Variants in SPTAN1 observed in about 807,000 individuals in gnomAD.
The protein encoded by SPTAN1 is spectrin alpha, non-erythrocytic 1.
In SPTAN1, 61 loss-of-function variants were observed where a neutral mutation model predicts 331.3. The ratio of observed to expected loss-of-function variants is 0.18; its 90% CI spans 0.15 to 0.23. The LOEUF is 0.23. Among genes scored for constraint, SPTAN1 ranks in the 10% least tolerant of loss-of-function variants. The pLI, the probability that SPTAN1 is intolerant of heterozygous loss-of-function variation, is 1.00. For missense variants in SPTAN1, 2,043 were observed against 3,147.9 expected (o/e 0.65, Z 8.40); for synonymous variants, 1,153 against 1,173.9 (o/e 0.98, Z 0.36).
chr9:128,561,789 A>C lies in SPTAN1; in HGVS notation c.-3-4949A>C, dbSNP rs142702835. 2.6e-4 allele frequency among the ~76,000 whole-genome samples: 40 copies of C among 151,884 alleles called. 1 individual carries two copies. In the South Asian group the frequency reaches 5.8e-3, roughly 22 times the overall value. ...ATCCCAGGTCATCCTGGCCTTTGCA[A>C]CTTGCTTACTAAATTACCTGTCTCC... is the stretch of plus-strand genomic sequence containing the variant. On this transcript the variant is annotated intron_variant, in intron 1 of 56. Transcript: ENST00000372739.
intron 51 of SPTAN1, chr9:128,628,497 C>T (rs913553189): frequency 1.3e-5 from 4 of 309,696 alleles, no homozygotes; most frequent in Non-Finnish European, 1.9e-5. Context: ...GGCAAAAATG[C>T]ACCCGTTATG....
intron 1 of SPTAN1, among the ~76,000 whole-genome samples, chr9:128,558,935 G>T (rs1288451296): frequency 6.6e-6 from 1 of 152,196 alleles, no homozygotes; most frequent in Non-Finnish European, 1.5e-5. Flanking sequence ...GGAGCAAAAA[G>T]AAACTGGAAC....
Position 128,605,300 on chromosome 9 carries a change from A to G in SPTAN1, c.3869A>G (p.Asn1290Ser). ...RDLAALGDKV[N>S]SLGETAERLI... ...TTCACCACTTTCTTCCCATAGGTAA[A>G]CTCCCTTGGTGAAACAGCAGAGCGC... Residue 1290 changes from asparagine (N) to serine (S), a missense_variant, in exon 31 of 57, where the codon AAC (asparagine) becomes AGC (serine). Asn to Ser is a conservative substitution (Grantham distance 46). Transcript: ENST00000372739. 1 of 1,613,968 alleles carries G rather than the reference A, an allele frequency of 6.2e-7. No homozygotes were observed. Among genetic ancestry groups the G allele is most frequent in the Non-Finnish European group, 8.5e-7 (1 of 1,179,986 alleles).
intron 27 of SPTAN1, among the ~76,000 whole-genome samples, chr9:128,602,719 T>G (rs1033169519): frequency 3.9e-5 from 6 of 152,108 alleles, no homozygotes; most frequent in African/African-American, 1.4e-4. Flanking sequence ...CACTGCAACC[T>G]CTGCCTCCCA....
At chr9:128,630,491 T>C (rs151191878) in intron 52 of SPTAN1, 116 bp downstream of exon 52, 1 of 1,030,844 alleles carries the variant, frequency 9.7e-7, no homozygotes, top group East Asian at 2.4e-5. Flanking sequence ...TTGTACCCTT[T>C]TCCCTTGGCC....
At position 128,583,136 on chromosome 9, in the gene SPTAN1, A is replaced by G; in HGVS notation, c.1866A>G (p.Ser622=). 3.1e-6 allele frequency: 5 copies of G among 1,614,228 alleles called. No individual in the cohort carries two copies. The highest frequency in any genetic ancestry group is 1.3e-5 in the African/African-American group (1 of 75,064). The change falls in exon 15 of 57, where the codon TCA becomes TCG. Residue 622 remains serine (S), a synonymous_variant. Transcript: ENST00000372739. The stretch of plus-strand genomic sequence containing the variant: ...ATCAGGCTTTTGAGGCTGAGCTCTC[A>G]GCAAACCAGAGCCGAATTGATGCCT... ...QKHQAFEAEL[S]ANQSRIDALE...
At position 128,584,356 on chromosome 9, in the gene SPTAN1, G is replaced by A. The variant is rs1487586139; in HGVS notation, c.2268G>A (p.Lys756=). The A allele has an allele frequency of 1.2e-6, 2 of 1,614,082 alleles. No individual in the cohort carries two copies. The highest frequency in any genetic ancestry group is 2.7e-5 in the African/African-American group (2 of 74,944). Residue 756 remains lysine (K), a synonymous_variant, in exon 17 of 57, where the codon AAG becomes AAA. Coordinates refer to ENST00000372739, the MANE Select transcript of SPTAN1 (RefSeq NM_001130438.3). ...GCCATTTTGATGCAGAAAACATCAA[G>A]AAGAAACAGGAAGCCCTCGTGGCTC... ...DAGHFDAENI[K]KKQEALVARY...
Position 128,630,325 on chromosome 9 carries a change from T to TACA in SPTAN1, c.6712_6713insACA (p.Cys2238delinsTyrSer). On this transcript the variant is annotated protein_altering_variant, in exon 52 of 57. Transcript: ENST00000372739. The stretch of plus-strand genomic sequence containing the variant: ...TCACTGTCCTTCCACGTTTAGGTCC[T>TACA]GTATGGTGGAAGAGTCGGGGACCCT... The TACA allele has an allele frequency of 6.2e-7, 1 of 1,613,558 alleles. No homozygotes were observed. Among genetic ancestry groups the TACA allele is most frequent in the Non-Finnish European group, 8.5e-7 (1 of 1,179,988 alleles).
intron 2 of SPTAN1, among the ~76,000 whole-genome samples, chr9:128,567,337 G>T (rs1450318504): frequency 1.3e-5 from 2 of 152,132 alleles, no homozygotes; most frequent in Admixed American, 6.6e-5. Flanking sequence ...TGTCGCCCAG[G>T]CTGGAGTGCA....
chr9:128,555,427 T>C lies in SPTAN1; in HGVS notation c.-4+2731T>C, dbSNP rs1279467242. 6.2e-6 allele frequency: 8 copies of C among 1,289,030 alleles called. No homozygotes were observed. In the African/African-American group the frequency reaches 1.2e-4, roughly 20 times the overall value. 79.8% of individuals were successfully genotyped at this position (1,289,030 alleles called of 1,614,324 possible). A position where few individuals can be genotyped will look rare whatever the true frequency, so the allele number is the denominator to read the frequency against. On this transcript the variant is annotated intron_variant, in intron 1 of 56. Transcript: ENST00000372739. ...ATTTGACGAGCATGCAGAAAACGGG[T>C]TGCCTTTTTGGTTTTGCCTGGCTTG...
At chr9:128,622,720 A>G (rs776119131) in intron 45 of SPTAN1, among the ~76,000 whole-genome samples, 1 of 151,834 alleles carries the variant, frequency 6.6e-6, no homozygotes, top group Admixed American at 6.6e-5. Context: ...TTTAAATTCA[A>G]TGTGACTTGT....
At chr9:128,554,108 G>C (rs752345517) in intron 1 of SPTAN1, among the ~76,000 whole-genome samples, 1 of 152,182 alleles carries the variant, frequency 6.6e-6, no homozygotes, top group African/African-American at 2.4e-5. Context: ...AAGTGCTGCA[G>C]TAAAGGCCTC....
At chr9:128,603,740 A>G (rs1855468487) in intron 28 of SPTAN1, 150 bp downstream of exon 28, 1 of 1,010,068 alleles carries the variant, frequency 9.9e-7, no homozygotes, top group East Asian at 2.4e-5. Context: ...AGTAAACATC[A>G]GCACATTCAT....
In SPTAN1 at chr9:128,583,911, A is replaced by G. The variant is rs766271485; in HGVS notation, c.2135A>G (p.Asn712Ser). ...ASDDYGKDLT[N>S]VQNLQKKHAL... ...GATGATTACGGCAAAGATCTTACCA[A>G]TGTGCAGAACCTCCAGAAGAAACAT... Residue 712 changes from asparagine (N) to serine (S), a missense_variant, in exon 16 of 57, where the codon AAT becomes AGT. Asn to Ser is a conservative substitution (Grantham distance 46). Coordinates refer to ENST00000372739, the MANE Select transcript of SPTAN1 (RefSeq NM_001130438.3). 7.4e-6 allele frequency: 12 copies of G among 1,614,238 alleles called. No homozygotes were observed. The highest frequency in any genetic ancestry group is 9.3e-6 in the Non-Finnish European group (11 of 1,180,048).
chr9:128,612,819 A>G (rs1856718516), intron 39 of SPTAN1, among the ~76,000 whole-genome samples: 1 of 152,120 alleles, frequency 6.6e-6, no homozygotes, highest in Non-Finnish European at 1.5e-5. Context: ...CCAGCTACTC[A>G]GGAGGCTGAG....
rs76572364 is a variant in SPTAN1 at position 128,590,864 on chromosome 9, T to C, written c.3007-613T>C. 1.0e-3 allele frequency among the ~76,000 whole-genome samples: 151 copies of C among 151,542 alleles called. 2 individuals are homozygous for C. Among genetic ancestry groups the C allele is most frequent in the Admixed American group, 7.1e-3 (108 of 15,140 alleles). ...GACTCTGTCTCCAATAAAAAAGAGT[T>C]CTAACTCAATGAAAGTTAAGTGGGC... On this transcript the variant is annotated intron_variant, in intron 21 of 56. Coordinates refer to ENST00000372739, the MANE Select transcript of SPTAN1 (RefSeq NM_001130438.3).
rs368786971 is a variant in SPTAN1, at chr9:128,555,350, C to T, written c.-4+2654C>T. On this transcript the variant is annotated intron_variant, in intron 1 of 56. Coordinates refer to ENST00000372739, the MANE Select transcript of SPTAN1 (RefSeq NM_001130438.3). ...TTGCTCTTCCCCCTCCCTCTTTAGACTCCACATTCCTCCATCATGTTGTCA... is the reference window on the plus strand; with the variant it reads ...TTGCTCTTCCCCCTCCCTCTTTAGATTCCACATTCCTCCATCATGTTGTCA... The T allele has an allele frequency of 7.6e-4, 977 of 1,289,282 alleles. 7 individuals carry two copies. In the South Asian group the frequency reaches 7.9e-3, roughly 10 times the overall value. The allele number at this position is 1,289,282 out of a possible 1,614,324, so 79.9% of individuals were successfully genotyped here.
intron 1 of SPTAN1, chr9:128,553,204 G>C (rs1848320876): frequency 6.6e-6 from 1 of 152,302 alleles, no homozygotes; most frequent in African/African-American, 2.4e-5. Flanking sequence ...GGGAGCCCGA[G>C]CATAGCGTAA....
At chr9:128,580,436 T>C (rs116735191) in intron 10 of SPTAN1, among the ~76,000 whole-genome samples, 4,409 of 152,054 alleles carry the variant, frequency 0.029, 194 homozygotes, top group African/African-American at 0.1. Context: ...TAATGATTTA[T>C]ATGATTTATA....
Sources: gnomAD v4.1 joint callset for allele counts (sites outside exome capture counted in the v4.1 genomes callset) on GRCh38, gnomAD v4.1.1 for gene constraint, MANE v1.5 for transcripts, NCBI Gene and HGNC (gene_info 2026-07-23, HGNC 2026-07-21) for gene names.